The following PTPRD variants were observed in gnomAD, a reference collection of about 807,000 sequenced individuals.
PTPRD encodes the protein protein tyrosine phosphatase receptor type D.
PTPRD carries 34 observed loss-of-function variants against 214.5 expected under a neutral mutation model. The ratio of observed to expected loss-of-function variants is 0.16; its 90% CI spans 0.12 to 0.21. The LOEUF is 0.21. PTPRD is among the 10% of genes least tolerant of loss of function. PTPRD has a pLI of 1.00. For synonymous variants in PTPRD, 1,128 were observed against 845.7 expected, an observed-to-expected ratio of 1.33 and a Z score of -5.79; for missense variants, 2,545 against 2,398.7, an observed-to-expected ratio of 1.06 and a Z score of -1.27.
At chr9:8,559,528 A>G (rs957056192) in intron 14 of PTPRD, among the ~76,000 whole-genome samples, 1 of 152,214 alleles carries the variant, frequency 6.6e-6, no homozygotes, top group Admixed American at 6.5e-5. Context: ...ATCCTTAAAT[A>G]CCATCCTTTG....
At chr9:10,062,114 C>A (rs1277026363) in intron 3 of PTPRD, among the ~76,000 whole-genome samples, 8 of 152,038 alleles carry the variant, frequency 5.3e-5, no homozygotes, top group Non-Finnish European at 1.2e-4. Flanking sequence ...TTTCAATTTA[C>A]TCAACTCACT....
intron 4 of PTPRD, among the ~76,000 whole-genome samples, chr9:9,956,876 C>T (rs2093969251): frequency 6.6e-6 from 1 of 152,042 alleles, no homozygotes; most frequent in Admixed American, 6.6e-5. Context: ...AAATTGTAAT[C>T]AATATCAACT....
intron 2 of PTPRD, among the ~76,000 whole-genome samples, chr9:10,523,150 T>A (rs572504272): frequency 1.9e-4 from 29 of 152,224 alleles, no homozygotes; most frequent in African/African-American, 7.0e-4. Context: ...TCTTGCCAAT[T>A]AGAACATTTG....
At chr9:10,343,348 G>A (rs543107662) in intron 2 of PTPRD, among the ~76,000 whole-genome samples, 2 of 152,216 alleles carry the variant, frequency 1.3e-5, no homozygotes, top group East Asian at 1.9e-4. Context: ...TGGTGTATAT[G>A]TGCCAAATTT....
chr9:10,353,471 T>C (rs1027738038), intron 2 of PTPRD, among the ~76,000 whole-genome samples: 1 of 152,034 alleles, frequency 6.6e-6, no homozygotes, highest in Non-Finnish European at 1.5e-5. Flanking sequence ...ATTTTAATTC[T>C]AATATATTCT....
At chr9:9,435,033 G>T (rs1325029778) in intron 8 of PTPRD, among the ~76,000 whole-genome samples, 2 of 151,742 alleles carry the variant, frequency 1.3e-5, no homozygotes, top group Non-Finnish European at 2.9e-5. Context: ...TCAAGTTATG[G>T]AGTAAACTGA....
intron 5 of PTPRD, among the ~76,000 whole-genome samples, chr9:9,862,952 G>C (rs2063113179): frequency 6.8e-6 from 1 of 147,192 alleles, no homozygotes; most frequent in South Asian, 2.1e-4. Context: ...AAAATAGTTT[G>C]TAAACTTTTT....
chr9:9,196,599 G>A (rs975708820), intron 9 of PTPRD, among the ~76,000 whole-genome samples: 4 of 152,072 alleles, frequency 2.6e-5, no homozygotes, highest in African/African-American at 9.7e-5. Context: ...ATTTTTCTAA[G>A]TCTTATTATC....
intron 5 of PTPRD, among the ~76,000 whole-genome samples, chr9:9,808,895 T>G (rs2046268990): frequency 6.6e-6 from 1 of 151,984 alleles, no homozygotes; most frequent in Admixed American, 6.6e-5. Context: ...CCTTACCTCC[T>G]GAGCATCTAA....
At chr9:8,855,174 C>T (rs1378588653) in intron 11 of PTPRD, among the ~76,000 whole-genome samples, 2 of 151,370 alleles carry the variant, frequency 1.3e-5, no homozygotes, top group Admixed American at 6.6e-5. Flanking sequence ...TTTGCATATG[C>T]CATACCAGGA....
At chr9:9,804,859 T>C (rs1030950592) in intron 5 of PTPRD, among the ~76,000 whole-genome samples, 7 of 151,700 alleles carry the variant, frequency 4.6e-5, no homozygotes, top group African/African-American at 1.2e-4. Flanking sequence ...ACATAAGCAA[T>C]TGAAATATTT....
At chr9:10,140,642 G>C (rs1592180551) in intron 3 of PTPRD, among the ~76,000 whole-genome samples, 1 of 152,028 alleles carries the variant, frequency 6.6e-6, no homozygotes. Flanking sequence ...GGACCAGATG[G>C]ATTGACAGCC....
chr9:8,500,291 A>C (rs2097366200), intron 24 of PTPRD, among the ~76,000 whole-genome samples: 1 of 151,844 alleles, frequency 6.6e-6, no homozygotes, highest in Non-Finnish European at 1.5e-5. Context: ...TTTTTTTCTC[A>C]TATCAAAGTT....
chr9:10,192,445 GAA>G (rs552289562), intron 3 of PTPRD, among the ~76,000 whole-genome samples: 33,703 of 71,732 alleles, frequency 0.47, 5,614 homozygotes, highest in African/African-American at 0.6. Flanking sequence ...CACGATCCAG[GAA>G]AAAAAAAAAA....
intron 11 of PTPRD, among the ~76,000 whole-genome samples, chr9:8,906,004 T>A (rs1051368272): frequency 6.6e-6 from 1 of 152,228 alleles, no homozygotes; most frequent in African/African-American, 2.4e-5. Flanking sequence ...GAGCATAGTT[T>A]AGCTTTACAT....
At chr9:9,133,243 G>C (rs975584767) in intron 10 of PTPRD, among the ~76,000 whole-genome samples, 1 of 152,172 alleles carries the variant, frequency 6.6e-6, no homozygotes, top group Non-Finnish European at 1.5e-5. Flanking sequence ...CTGGCAGATA[G>C]ATGGTGATGT....
intron 7 of PTPRD, among the ~76,000 whole-genome samples, chr9:9,703,360 T>C (rs1564639678): frequency 6.6e-6 from 1 of 152,268 alleles, no homozygotes. Context: ...AATACAATTA[T>C]CAAAACTCAA....
chr9:10,082,604 G>A (rs1384911406), intron 3 of PTPRD, among the ~76,000 whole-genome samples: 1 of 151,928 alleles, frequency 6.6e-6, no homozygotes, highest in Non-Finnish European at 1.5e-5. Flanking sequence ...TGCATCTCAA[G>A]TTTGAGCATT....
chr9:10,523,870 T>G (rs1287054345), intron 2 of PTPRD, among the ~76,000 whole-genome samples: 2 of 151,820 alleles, frequency 1.3e-5, no homozygotes, highest in Non-Finnish European at 2.9e-5. Flanking sequence ...ATCATTTAAT[T>G]AATAAAATGT....
Sources: allele counts gnomAD v4.1 joint callset (sites outside exome capture counted in the v4.1 genomes callset), GRCh38; gene constraint gnomAD v4.1.1; transcripts MANE v1.5; gene names NCBI Gene and HGNC (gene_info 2026-07-23, HGNC 2026-07-21).